UGGT2: variants seen among roughly 807,000 people sequenced by gnomAD.
UGGT2 encodes UDP-glucose glycoprotein glucosyltransferase 2.
A neutral mutation model predicts 192.1 loss-of-function variants in UGGT2; 180 were observed. The observed-to-expected ratio is 0.94, with a 90% CI of 0.83 to 1.06. The LOEUF (loss-of-function observed/expected upper bound fraction) is 1.06. Among genes scored for constraint, UGGT2 ranks in the 50% least tolerant of loss-of-function variants. UGGT2 has a pLI of 0.00. For missense variants in UGGT2, 1,849 were observed against 1,795.7 expected (o/e 1.03, Z -0.54); for synonymous variants, 580 against 591.0 (o/e 0.98, Z 0.27).
chr13:96,050,507 G>A (rs1347142998), intron 1 of UGGT2, among the ~76,000 whole-genome samples: 7 of 152,184 alleles, frequency 4.6e-5, no homozygotes, highest in African/African-American at 1.7e-4. Context: ...AAGAGCATCT[G>A]CACAGCAAAA....
At chr13:95,976,186 T>A (rs142688472) in intron 10 of UGGT2, among the ~76,000 whole-genome samples, 2 of 152,200 alleles carry the variant, frequency 1.3e-5, no homozygotes, top group African/African-American at 4.8e-5. Context: ...ACTTGTAGTA[T>A]GTCTTTCTGT....
At chr13:95,962,383 A>G (rs996845417) in intron 12 of UGGT2, among the ~76,000 whole-genome samples, 1 of 152,150 alleles carries the variant, frequency 6.6e-6, no homozygotes, top group South Asian at 2.1e-4. Flanking sequence ...GATATCATAT[A>G]AACAAAAAAG....
intron 35 of UGGT2, among the ~76,000 whole-genome samples, chr13:95,854,036 A>C (rs534805965): frequency 6.6e-6 from 1 of 152,306 alleles, no homozygotes; most frequent in East Asian, 1.9e-4. Context: ...GTTATATACT[A>C]GCAGGGTAAG....
intron 12 of UGGT2, among the ~76,000 whole-genome samples, chr13:95,968,239 T>C (rs1365071770): frequency 6.6e-6 from 1 of 152,092 alleles, no homozygotes; most frequent in East Asian, 1.9e-4. Flanking sequence ...ACCAGGGACA[T>C]AATGGTAAGA....
At chr13:95,930,448 G>A (rs547003473) in intron 17 of UGGT2, among the ~76,000 whole-genome samples, 2 of 152,272 alleles carry the variant, frequency 1.3e-5, no homozygotes, top group Non-Finnish European at 2.9e-5. Flanking sequence ...TGAACGTGGT[G>A]AAAAGTAGGG....
chr13:95,911,097 G>A (rs1288314639), intron 20 of UGGT2, among the ~76,000 whole-genome samples: 1 of 152,144 alleles, frequency 6.6e-6, no homozygotes, highest in East Asian at 1.9e-4. Flanking sequence ...AGTGTGTAGA[G>A]GGAAATTTAT....
intron 29 of UGGT2, 49 bp downstream of exon 29, chr13:95,877,230 T>C (rs1594211636): frequency 2.8e-6 from 4 of 1,420,922 alleles, no homozygotes; most frequent in Non-Finnish European, 3.8e-6. Context: ...TGTATTACAC[T>C]AAAAACGTAT....
Position 95,983,841 on chromosome 13 carries a change from T to G in UGGT2, c.1055A>C (p.Asn352Thr). The change falls in exon 10 of 39, where the codon AAT (asparagine) becomes ACT (threonine). Residue 352 changes from asparagine to threonine, a missense_variant. Transcript: ENST00000376747. ...CTTTATTTCTTCTCTCATATGTTGATTTACAGCAATTCTGGTTAGAGATCT... is the reference window on the plus strand; with the variant it reads ...CTTTATTTCTTCTCTCATATGTTGAGTTACAGCAATTCTGGTTAGAGATCT... ...KARSLTRIAV[N>T]QHMREEIKEN... 2 of 1,568,952 alleles carry G rather than the reference T, an allele frequency of 1.3e-6. No individual in the cohort carries two copies. The highest frequency in any genetic ancestry group is 1.7e-6 in the Non-Finnish European group (2 of 1,157,728).
intron 38 of UGGT2, among the ~76,000 whole-genome samples, chr13:95,826,263 C>T (rs140995685): frequency 4.0e-4 from 61 of 152,076 alleles, no homozygotes; most frequent in African/African-American, 1.3e-3. Flanking sequence ...ATTATCTTAA[C>T]GGGGAAACAT....
chr13:95,962,115 G>A (rs1437007053), intron 12 of UGGT2, among the ~76,000 whole-genome samples: 6 of 152,040 alleles, frequency 3.9e-5, no homozygotes, highest in African/African-American at 1.4e-4. Context: ...GTAGCAGTAA[G>A]CTCTTATATC....
intron 10 of UGGT2, among the ~76,000 whole-genome samples, chr13:95,978,093 G>A (rs566894): frequency 0.34 from 52,265 of 151,914 alleles, 9,795 homozygotes; most frequent in East Asian, 0.45. Flanking sequence ...AAACCTAGAT[G>A]ATGGGTTGAT....
chr13:95,822,592 A>G (rs1885620300), intron 38 of UGGT2, among the ~76,000 whole-genome samples: 1 of 151,748 alleles, frequency 6.6e-6, no homozygotes, highest in Non-Finnish European at 1.5e-5. Flanking sequence ...AATAGTTCGT[A>G]CATGTAAAGG....
intron 29 of UGGT2, among the ~76,000 whole-genome samples, chr13:95,869,256 AT>A (rs1566614194): frequency 6.6e-6 from 1 of 151,916 alleles, no homozygotes; most frequent in Non-Finnish European, 1.5e-5. Flanking sequence ...CATGGTGTAT[AT>A]GTGCCACATT....
chr13:95,893,034 A>AG (rs2047845628), intron 24 of UGGT2, among the ~76,000 whole-genome samples: 1 of 152,166 alleles, frequency 6.6e-6, no homozygotes, highest in African/African-American at 2.4e-5. Flanking sequence ...AATGGAAGGG[A>AG]ATAGGCTAAT....
chr13:96,032,782 C>T (rs2052877357), intron 1 of UGGT2, among the ~76,000 whole-genome samples: 1 of 152,182 alleles, frequency 6.6e-6, no homozygotes, highest in South Asian at 2.1e-4. Context: ...GTATTGAGAA[C>T]ATCCACAACA....
chr13:95,849,389 A>G (rs974417777), intron 36 of UGGT2, among the ~76,000 whole-genome samples: 1 of 151,934 alleles, frequency 6.6e-6, no homozygotes, highest in Admixed American at 6.6e-5. Context: ...CAAAAATACA[A>G]AAAATTAGCT....
chr13:95,822,169 C>A (rs1293959290), intron 38 of UGGT2, among the ~76,000 whole-genome samples: 1 of 152,100 alleles, frequency 6.6e-6, no homozygotes, highest in African/African-American at 2.4e-5. Flanking sequence ...GTCATTTTCA[C>A]AATATTGATT....
At chr13:95,951,304 TCAA>T (rs1219508331) in intron 12 of UGGT2, among the ~76,000 whole-genome samples, 2 of 152,162 alleles carry the variant, frequency 1.3e-5, no homozygotes, top group East Asian at 3.9e-4. Flanking sequence ...TGAGAGGAGC[TCAA>T]CAGCATATTT....
chr13:95,829,318 A>T (rs1483183702), intron 38 of UGGT2, among the ~76,000 whole-genome samples: 1 of 152,200 alleles, frequency 6.6e-6, no homozygotes, highest in Non-Finnish European at 1.5e-5. Flanking sequence ...AGTTCTGGCC[A>T]GGGCAATCAG....
Sources: allele counts gnomAD v4.1 joint callset (sites outside exome capture counted in the v4.1 genomes callset), GRCh38; gene constraint gnomAD v4.1.1; transcripts MANE v1.5; gene names NCBI Gene and HGNC (gene_info 2026-07-23, HGNC 2026-07-21).